Variants in NRG1 observed in about 807,000 individuals in gnomAD.
NRG1 encodes the protein neuregulin 1.
Under a neutral mutation model 63.8 loss-of-function variants are expected in NRG1, and 18 were observed. The observed-to-expected ratio is 0.28, with a 90% CI of 0.19 to 0.42. The LOEUF is 0.42. Ranked by LOEUF, NRG1 falls within the 10% of genes least tolerant of loss-of-function variation. The pLI is 1.00. For synonymous variants in NRG1, 302 were observed against 301.3 expected (o/e 1.00, Z -0.02); for missense variants, 762 against 814.7 (o/e 0.94, Z 0.79).
chr8:31,725,812 ATTACAG>A (rs1813374633), intron 1 of NRG1, among the ~76,000 whole-genome samples: 1 of 152,174 alleles, frequency 6.6e-6, no homozygotes, highest in Admixed American at 6.5e-5. Flanking sequence ...TTATACAGCT[ATTACAG>A]TTAGGGTGAA....
intron 1 of NRG1, among the ~76,000 whole-genome samples, chr8:31,924,073 G>A (rs1834135875): frequency 6.6e-6 from 1 of 152,024 alleles, no homozygotes; most frequent in African/African-American, 2.4e-5. Flanking sequence ...TCCTTATTTG[G>A]GTTGGGCACA....
intron 1 of NRG1, among the ~76,000 whole-genome samples, chr8:31,876,857 A>G (rs1829964503): frequency 6.6e-6 from 1 of 152,190 alleles, no homozygotes; most frequent in Admixed American, 6.6e-5. Flanking sequence ...AAAAATATAC[A>G]TATACATAAA....
At chr8:31,720,534 C>T (rs1335477467) in intron 1 of NRG1, among the ~76,000 whole-genome samples, 2 of 152,168 alleles carry the variant, frequency 1.3e-5, no homozygotes, top group South Asian at 2.1e-4. Context: ...GTTCCCACCA[C>T]GTGTCCATGT....
intron 1 of NRG1, among the ~76,000 whole-genome samples, chr8:31,790,033 TA>T (rs1305291727): frequency 1.3e-5 from 2 of 152,184 alleles, no homozygotes; most frequent in Middle Eastern, 6.3e-3. Flanking sequence ...AAGGTAGCAG[TA>T]AATAGCTGTG....
chr8:32,061,799 C>T (rs1823920999), intron 1 of NRG1: 2 of 151,964 alleles, frequency 1.3e-5, no homozygotes, highest in South Asian at 4.1e-4. Context: ...ACCCTTGCTA[C>T]ATAGAGAGGA....
At chr8:32,229,893 G>T (rs922881821) in intron 1 of NRG1, among the ~76,000 whole-genome samples, 1 of 151,820 alleles carries the variant, frequency 6.6e-6, no homozygotes, top group Non-Finnish European at 1.5e-5. Flanking sequence ...GAGTAGAGGT[G>T]GATGGCACTG....
At chr8:32,639,654 TA>T (rs1426641748) in intron 5 of NRG1, among the ~76,000 whole-genome samples, 5 of 152,192 alleles carry the variant, frequency 3.3e-5, no homozygotes, top group African/African-American at 1.2e-4. Context: ...GCAGGAGATT[TA>T]AAAATCAAAT....
At chr8:32,193,057 T>G (rs1171761575) in intron 1 of NRG1, among the ~76,000 whole-genome samples, 1 of 152,130 alleles carries the variant, frequency 6.6e-6, no homozygotes, top group East Asian at 1.9e-4. Context: ...ATATTTTGAG[T>G]GAATATTTGT....
At chr8:31,759,710 T>G (rs1023138571) in intron 1 of NRG1, among the ~76,000 whole-genome samples, 1 of 152,142 alleles carries the variant, frequency 6.6e-6, no homozygotes, top group Non-Finnish European at 1.5e-5. Context: ...TAAAACTACA[T>G]ATGAATTTTA....
chr8:32,090,893 A>G (rs1200749901), intron 1 of NRG1, among the ~76,000 whole-genome samples: 2 of 152,164 alleles, frequency 1.3e-5, no homozygotes, highest in Non-Finnish European at 2.9e-5. Context: ...CATCATCATT[A>G]TGACCAAAAT....
intron 1 of NRG1, among the ~76,000 whole-genome samples, chr8:32,335,113 T>A (rs1803099190): frequency 6.6e-6 from 1 of 152,162 alleles, no homozygotes; most frequent in East Asian, 1.9e-4. Context: ...TAAACTGAAG[T>A]GGTAAAGCAG....
intron 1 of NRG1, among the ~76,000 whole-genome samples, chr8:32,350,807 G>C (rs1324165662): frequency 6.6e-6 from 1 of 151,966 alleles, no homozygotes. Context: ...CCAAAATCAA[G>C]GGCCTCCTTG....
chr8:32,338,268 T>G (rs182379520), intron 1 of NRG1, among the ~76,000 whole-genome samples: 9 of 152,216 alleles, frequency 5.9e-5, no homozygotes, highest in Non-Finnish European at 1.2e-4. Context: ...ATTGCAGTTA[T>G]CACCGGAAGT....
At chr8:32,752,194 G>A (rs1415557543) in intron 7 of NRG1, among the ~76,000 whole-genome samples, 3 of 152,196 alleles carry the variant, frequency 2.0e-5, no homozygotes, top group African/African-American at 7.2e-5. Flanking sequence ...GTCCCAGGGA[G>A]AGAAGGACCA....
intron 9 of NRG1, among the ~76,000 whole-genome samples, chr8:32,758,671 T>C (rs1489937990): frequency 1.3e-5 from 2 of 150,898 alleles, no homozygotes; most frequent in Non-Finnish European, 3.0e-5. Flanking sequence ...AGAAATGTCC[T>C]CCATATATTA....
chr8:32,726,976 T>A (rs1822363127), intron 5 of NRG1, among the ~76,000 whole-genome samples: 1 of 152,154 alleles, frequency 6.6e-6, no homozygotes, highest in Non-Finnish European at 1.5e-5. Context: ...ATACTGGTTT[T>A]GCTTTTCATC....
At chr8:32,119,133 A>G (rs1306659985) in intron 1 of NRG1, among the ~76,000 whole-genome samples, 2 of 152,058 alleles carry the variant, frequency 1.3e-5, no homozygotes, top group East Asian at 1.9e-4. Context: ...CTCCTGAAAC[A>G]TAGAAGGTTC....
intron 1 of NRG1, among the ~76,000 whole-genome samples, chr8:32,075,379 A>G (rs1478389583): frequency 6.6e-6 from 1 of 152,198 alleles, no homozygotes; most frequent in Non-Finnish European, 1.5e-5. Context: ...TTGAGTATTT[A>G]TAACAACAAG....
chr8:32,012,786 A>G (rs958811526), intron 1 of NRG1, among the ~76,000 whole-genome samples: 1 of 152,156 alleles, frequency 6.6e-6, no homozygotes, highest in South Asian at 2.1e-4. Flanking sequence ...ACCTCAGCAC[A>G]TGCTCCAGAA....
Sources: gnomAD v4.1 joint callset for allele counts (sites outside exome capture counted in the v4.1 genomes callset) on GRCh38, gnomAD v4.1.1 for gene constraint, MANE v1.5 for transcripts, NCBI Gene and HGNC (gene_info 2026-07-23, HGNC 2026-07-21) for gene names.